Variants in NAALADL2 observed in about 807,000 individuals in gnomAD.
NAALADL2 encodes inactive N-acetylated-alpha-linked acidic dipeptidase-like protein 2.
A neutral mutation model predicts 87.2 loss-of-function variants in NAALADL2; 76 were observed. The observed-to-expected ratio is 0.87, with a 90% confidence interval of 0.72 to 1.05. NAALADL2 has a LOEUF of 1.05. NAALADL2 is among the 50% of genes least tolerant of loss of function. The pLI is 0.00. For synonymous variants in NAALADL2, 354 were observed against 331.0 expected, an observed-to-expected ratio of 1.07 and a Z score of -0.75; for missense variants, 1,089 against 945.8, an observed-to-expected ratio of 1.15 and a Z score of -1.99.
chr3:175,003,309 G>A (rs536191600), intron 1 of NAALADL2, among the ~76,000 whole-genome samples: 2 of 152,232 alleles, frequency 1.3e-5, no homozygotes, highest in South Asian at 4.1e-4. Context: ...CTGGAGGCCA[G>A]GAGTTCGAGA....
intron 2 of NAALADL2, among the ~76,000 whole-genome samples, chr3:174,667,301 T>C (rs1411567987): frequency 6.6e-6 from 1 of 152,144 alleles, no homozygotes; most frequent in Non-Finnish European, 1.5e-5. Context: ...AGAAAGGGAC[T>C]TTTTATTCCA....
intron 2 of NAALADL2, among the ~76,000 whole-genome samples, chr3:174,639,482 T>G (rs941803228): frequency 6.6e-6 from 1 of 152,156 alleles, no homozygotes; most frequent in Non-Finnish European, 1.5e-5. Flanking sequence ...GAAATCAGAT[T>G]TAGCAGTAGT....
chr3:174,817,394 G>C (rs989213644), intron 3 of NAALADL2, among the ~76,000 whole-genome samples: 10 of 152,258 alleles, frequency 6.6e-5, no homozygotes, highest in African/African-American at 2.2e-4. Context: ...TTGAAGTCAA[G>C]AGTTTAAGAC....
At chr3:175,667,171 A>AAAAAGAGAGAGAGAG in intron 11 of NAALADL2, among the ~76,000 whole-genome samples, 1 of 139,254 alleles carries the variant, frequency 7.2e-6, no homozygotes. Flanking sequence ...AAAAGAAAGA[A>AAAAAGAGAGAGAGAG]AGAAAGAAAG....
intron 11 of NAALADL2, among the ~76,000 whole-genome samples, chr3:175,667,241 A>AAGAAAGAAAGAAAGAAAG (rs1182682303): frequency 1.1e-5 from 1 of 91,716 alleles, no homozygotes; most frequent in African/African-American, 5.1e-5. Context: ...GAAAGAAAGA[A>AAGAAAGAAAGAAAGAAAG]AAAGAAAGAA....
intron 5 of NAALADL2, among the ~76,000 whole-genome samples, chr3:175,435,858 T>A (rs1416532811): frequency 7.3e-5 from 11 of 151,632 alleles, no homozygotes; most frequent in Non-Finnish European, 1.3e-4. Flanking sequence ...GTACTTTTTT[T>A]TTTTTTTATA....
chr3:175,291,393 T>C (rs1345149067), intron 4 of NAALADL2, among the ~76,000 whole-genome samples: 3 of 152,164 alleles, frequency 2.0e-5, no homozygotes, highest in Non-Finnish European at 4.4e-5. Context: ...TAGGTTTATC[T>C]TGTGGTTTGA....
chr3:175,158,276 G>A (rs1461387533), intron 2 of NAALADL2, among the ~76,000 whole-genome samples: 2 of 151,992 alleles, frequency 1.3e-5, no homozygotes, highest in African/African-American at 4.8e-5. Flanking sequence ...GGCGATCAGA[G>A]AGACCATTTC....
At chr3:174,681,360 G>A (rs1279777085) in intron 2 of NAALADL2, among the ~76,000 whole-genome samples, 1 of 152,112 alleles carries the variant, frequency 6.6e-6, no homozygotes. Flanking sequence ...CGTCAGCTGG[G>A]GTGGCCAAGA....
intron 4 of NAALADL2, among the ~76,000 whole-genome samples, chr3:175,292,725 A>G (rs1755791437): frequency 6.7e-6 from 1 of 150,192 alleles, no homozygotes; most frequent in Admixed American, 6.6e-5. Context: ...GCTGTGTACA[A>G]AGGTCTAGGG....
intron 5 of NAALADL2, among the ~76,000 whole-genome samples, chr3:175,407,575 C>A (rs1397315574): frequency 1.3e-5 from 2 of 152,134 alleles, no homozygotes; most frequent in Non-Finnish European, 2.9e-5. Context: ...TCCTTTCATT[C>A]ACTCATTTTC....
chr3:174,594,496 C>G (rs1352839016), intron 2 of NAALADL2, among the ~76,000 whole-genome samples: 2 of 152,124 alleles, frequency 1.3e-5, no homozygotes, highest in African/African-American at 4.8e-5. Flanking sequence ...GTTCTTCTTC[C>G]TCATACTTTA....
chr3:175,202,949 C>T (rs147663081), intron 2 of NAALADL2, among the ~76,000 whole-genome samples: 6 of 152,072 alleles, frequency 3.9e-5, no homozygotes, highest in African/African-American at 9.6e-5. Flanking sequence ...ACCAAAGGAC[C>T]GGTCTTGCAC....
chr3:174,971,986 C>T (rs1488440538), intron 1 of NAALADL2, among the ~76,000 whole-genome samples: 3 of 152,164 alleles, frequency 2.0e-5, no homozygotes, highest in African/African-American at 7.2e-5. Context: ...GCATGAGCCA[C>T]CGCGTCCAGC....
chr3:175,772,076 C>A (rs1178572497), intron 13 of NAALADL2, among the ~76,000 whole-genome samples: 3 of 152,068 alleles, frequency 2.0e-5, no homozygotes, highest in South Asian at 2.1e-4. Flanking sequence ...GGGACACAGC[C>A]AAACCGTATC....
intron 2 of NAALADL2, among the ~76,000 whole-genome samples, chr3:174,568,362 A>G (rs1449057131): frequency 6.6e-6 from 1 of 151,796 alleles, no homozygotes; most frequent in Non-Finnish European, 1.5e-5. Flanking sequence ...TAGAATTAGA[A>G]TTGTTATTTC....
At chr3:175,410,457 A>C (rs1713289544) in intron 5 of NAALADL2, among the ~76,000 whole-genome samples, 1 of 152,140 alleles carries the variant, frequency 6.6e-6, no homozygotes, top group Non-Finnish European at 1.5e-5. Context: ...TTCAGGAAAC[A>C]GATCTTCTCT....
intron 2 of NAALADL2, among the ~76,000 whole-genome samples, chr3:175,150,941 G>A (rs192759051): frequency 9.8e-5 from 15 of 152,322 alleles, no homozygotes; most frequent in Admixed American, 3.3e-4. Flanking sequence ...AGGTAAAGAT[G>A]ATGAGTAAGG....
At chr3:175,423,253 A>G (rs1349856325) in intron 5 of NAALADL2, among the ~76,000 whole-genome samples, 1 of 126,218 alleles carries the variant, frequency 7.9e-6, no homozygotes, top group African/African-American at 3.0e-5. Context: ...CAAACCGTTT[A>G]ATTTCAGAGT....
Sources: gnomAD v4.1 joint callset for allele counts (sites outside exome capture counted in the v4.1 genomes callset) on GRCh38, gnomAD v4.1.1 for gene constraint, MANE v1.5 for transcripts, NCBI Gene and HGNC (gene_info 2026-07-23, HGNC 2026-07-21) for gene names.